The following RAPGEF5 variants were observed in gnomAD, a reference collection of about 807,000 sequenced individuals.
RAPGEF5 encodes Rap guanine nucleotide exchange factor 5, also known as M-Ras-regulated GEF.
A neutral mutation model predicts 125.2 loss-of-function variants in RAPGEF5; 65 were observed. The observed-to-expected ratio is 0.52, with a 90% CI of 0.43 to 0.64. The LOEUF (loss-of-function observed/expected upper bound fraction) is 0.64, where lower values mean the gene tolerates loss of function less well. Ranked by LOEUF, RAPGEF5 falls within the 30% of genes least tolerant of loss-of-function variation. RAPGEF5 has a pLI of 0.00. For missense variants in RAPGEF5, 958 were observed against 1,048.1 expected (o/e 0.91, Z 1.19); for synonymous variants, 391 against 385.9 (o/e 1.01, Z -0.16).
intron 22 of RAPGEF5, 30 bp from the exon 23 acceptor site, chr7:22,136,155 A>G: frequency 1.3e-6 from 2 of 1,508,866 alleles, no homozygotes; most frequent in Non-Finnish European, 9.1e-7. Flanking sequence ...ACAAAGAGAA[A>G]GAAAAATCAA....
intron 7 of RAPGEF5, among the ~76,000 whole-genome samples, chr7:22,260,442 T>C (rs1782122455): frequency 6.8e-6 from 1 of 147,302 alleles, no homozygotes; most frequent in Non-Finnish European, 1.5e-5. Flanking sequence ...CTAAAACTGC[T>C]CTAAAAAATA....
chr7:22,335,914 T>C (rs909254000), intron 1 of RAPGEF5, among the ~76,000 whole-genome samples: 1 of 152,228 alleles, frequency 6.6e-6, no homozygotes, highest in African/African-American at 2.4e-5. Context: ...ACTTTCTGTA[T>C]AGAAAAGACA....
chr7:22,331,977 T>G (rs1180926261), intron 1 of RAPGEF5, among the ~76,000 whole-genome samples: 1 of 152,116 alleles, frequency 6.6e-6, no homozygotes, highest in African/African-American at 2.4e-5. Flanking sequence ...GTAAAAACAT[T>G]ATATCCTTCC....
chr7:22,269,740 T>C (rs1036889191), intron 6 of RAPGEF5, among the ~76,000 whole-genome samples: 7 of 152,212 alleles, frequency 4.6e-5, no homozygotes, highest in African/African-American at 1.2e-4. Context: ...TGTGTGTTAA[T>C]AAGGGACCTG....
chr7:22,332,267 G>A (rs891280199), intron 1 of RAPGEF5, among the ~76,000 whole-genome samples: 1 of 152,164 alleles, frequency 6.6e-6, no homozygotes, highest in African/African-American at 2.4e-5. Context: ...AAATTGCTGT[G>A]CCTCCACGCC....
chr7:22,195,710 T>C (rs1785132714), intron 9 of RAPGEF5, among the ~76,000 whole-genome samples: 1 of 151,890 alleles, frequency 6.6e-6, no homozygotes, highest in Non-Finnish European at 1.5e-5. Context: ...GAAGTGCATA[T>C]ATTGACCAAA....
intron 6 of RAPGEF5, among the ~76,000 whole-genome samples, chr7:22,289,844 T>C (rs1782889306): frequency 6.6e-6 from 1 of 152,114 alleles, no homozygotes; most frequent in African/African-American, 2.4e-5. Flanking sequence ...TCTCACAAGA[T>C]CTGATGGTTT....
chr7:22,161,569 C>CACAT (rs1263990998), intron 13 of RAPGEF5, among the ~76,000 whole-genome samples: 1 of 146,058 alleles, frequency 6.8e-6, no homozygotes, highest in East Asian at 1.9e-4. Flanking sequence ...CACACACACA[C>CACAT]ACACACACAC....
intron 1 of RAPGEF5, among the ~76,000 whole-genome samples, chr7:22,329,298 G>C (rs559433612): frequency 3.9e-4 from 59 of 152,190 alleles, no homozygotes; most frequent in African/African-American, 1.3e-3. Flanking sequence ...TGTTTACACT[G>C]ATTGATAATC....
intron 7 of RAPGEF5, among the ~76,000 whole-genome samples, chr7:22,259,573 T>C (rs188290899): frequency 1.3e-5 from 2 of 152,344 alleles, no homozygotes; most frequent in African/African-American, 2.4e-5. Flanking sequence ...TTATTCATAA[T>C]TGCCAAAACT....
intron 9 of RAPGEF5, among the ~76,000 whole-genome samples, chr7:22,216,157 G>A (rs1030306384): frequency 6.6e-6 from 1 of 152,096 alleles, no homozygotes; most frequent in Non-Finnish European, 1.5e-5. Context: ...CCTCTCACTT[G>A]ACTCACTATG....
chr7:22,330,656 C>T (rs909556949), intron 1 of RAPGEF5, among the ~76,000 whole-genome samples: 5 of 152,162 alleles, frequency 3.3e-5, no homozygotes, highest in East Asian at 1.9e-4. Flanking sequence ...CTGAAGAAAA[C>T]AATTCAGAAA....
intron 5 of RAPGEF5, 73 bp downstream of exon 5, chr7:22,308,266 G>A: frequency 7.3e-7 from 1 of 1,370,350 alleles, no homozygotes; most frequent in East Asian, 2.8e-5. Flanking sequence ...TTAAAGAGCA[G>A]AATATAGTCC....
intron 7 of RAPGEF5, among the ~76,000 whole-genome samples, chr7:22,266,155 C>A (rs1248028229): frequency 2.0e-5 from 3 of 152,126 alleles, no homozygotes; most frequent in East Asian, 3.8e-4. Flanking sequence ...CATTTCCATT[C>A]CATTTTATTT....
chr7:22,174,222 C>T (rs983714306), intron 11 of RAPGEF5, among the ~76,000 whole-genome samples: 3 of 151,934 alleles, frequency 2.0e-5, no homozygotes, highest in East Asian at 1.9e-4. Context: ...GCTACCAATC[C>T]GCCAACAAAA....
chr7:22,315,564 TA>T (rs2128154455), intron 2 of RAPGEF5, 88 bp from the exon 3 acceptor site: 5 of 614,260 alleles, frequency 8.1e-6, no homozygotes, highest in Non-Finnish European at 8.3e-6. Flanking sequence ...TATATATATA[TA>T]TATTTATATA....
intron 1 of RAPGEF5, chr7:22,356,242 G>A: frequency 1.0e-6 from 1 of 985,384 alleles, no homozygotes; most frequent in Non-Finnish European, 1.2e-6. Context: ...TCTTGGGGGC[G>A]TGCACCCTCC....
At chr7:22,290,383 G>C (rs1157492759) in intron 6 of RAPGEF5, among the ~76,000 whole-genome samples, 2 of 152,214 alleles carry the variant, frequency 1.3e-5, no homozygotes, top group East Asian at 3.8e-4. Flanking sequence ...ACCACAGTCA[G>C]CTTTTCCTAT....
At chr7:22,265,335 CAT>C (rs1156607054) in intron 7 of RAPGEF5, among the ~76,000 whole-genome samples, 1 of 152,178 alleles carries the variant, frequency 6.6e-6, no homozygotes, top group Non-Finnish European at 1.5e-5. Context: ...CTCGCTGCCA[CAT>C]ATGAGTGAAA....
Sources: allele counts gnomAD v4.1 joint callset (sites outside exome capture counted in the v4.1 genomes callset), GRCh38; gene constraint gnomAD v4.1.1; transcripts MANE v1.5; gene names NCBI Gene and HGNC (gene_info 2026-07-23, HGNC 2026-07-21).